SLC25A21: variants seen among roughly 807,000 people sequenced by gnomAD.
The protein encoded by SLC25A21 is solute carrier family 25 member 21.
A neutral mutation model predicts 43.8 loss-of-function variants in SLC25A21; 47 were observed. The observed-to-expected ratio is 1.07, with a 90% CI of 0.85 to 1.37. The LOEUF (loss-of-function observed/expected upper bound fraction) is 1.37, where lower values mean the gene tolerates loss of function less well. Ranked by LOEUF, SLC25A21 falls within the 40% of genes most tolerant of loss-of-function variation. SLC25A21 has a pLI of 0.00. For synonymous variants in SLC25A21, 131 were observed against 121.3 expected (o/e 1.08, Z -0.52); for missense variants, 352 against 350.2 (o/e 1.00, Z -0.04).
chr14:36,944,191 A>T (rs1362238700), intron 1 of SLC25A21, among the ~76,000 whole-genome samples: 1 of 152,166 alleles, frequency 6.6e-6, no homozygotes, highest in African/African-American at 2.4e-5. Flanking sequence ...CATATCCTGA[A>T]TCCTGTCGAC....
chr14:36,830,405 G>A (rs1204713809), intron 2 of SLC25A21, among the ~76,000 whole-genome samples: 3 of 152,048 alleles, frequency 2.0e-5, no homozygotes, highest in Non-Finnish European at 2.9e-5. Flanking sequence ...CTAACCTAAG[G>A]TGTAACAAAG....
At chr14:36,824,533 T>C (rs1429329525) in intron 2 of SLC25A21, among the ~76,000 whole-genome samples, 2 of 152,168 alleles carry the variant, frequency 1.3e-5, no homozygotes, top group Non-Finnish European at 2.9e-5. Flanking sequence ...ACATATATAA[T>C]CTATCCCAGT....
intron 9 of SLC25A21, among the ~76,000 whole-genome samples, chr14:36,682,744 C>T (rs912870723): frequency 3.0e-4 from 42 of 141,198 alleles, no homozygotes; most frequent in African/African-American, 6.1e-4. Flanking sequence ...CAATAACTAA[C>T]GGAAGGTAGG....
chr14:36,999,249 C>T (rs61282860), intron 1 of SLC25A21, among the ~76,000 whole-genome samples: 14,649 of 151,962 alleles, frequency 0.096, 746 homozygotes, highest in Admixed American at 0.12. Context: ...AACTTAAGTC[C>T]GTATTACTCA....
chr14:37,078,287 A>T (rs1962321442), intron 1 of SLC25A21, among the ~76,000 whole-genome samples: 1 of 152,214 alleles, frequency 6.6e-6, no homozygotes. Flanking sequence ...GTTAGCTGAC[A>T]TTCTTTCCTT....
At chr14:37,092,331 T>G (rs1187743652) in intron 1 of SLC25A21, among the ~76,000 whole-genome samples, 1 of 152,170 alleles carries the variant, frequency 6.6e-6, no homozygotes, top group African/African-American at 2.4e-5. Context: ...GAATGCACAT[T>G]ACAGCCAATC....
At chr14:36,887,846 C>T (rs1191777345) in intron 1 of SLC25A21, among the ~76,000 whole-genome samples, 2 of 152,096 alleles carry the variant, frequency 1.3e-5, no homozygotes, top group Admixed American at 6.6e-5. Flanking sequence ...AATTAGTTTT[C>T]CTTTCTTCTT....
chr14:37,032,115 T>C (rs74045256), intron 1 of SLC25A21, among the ~76,000 whole-genome samples: 1,857 of 137,030 alleles, frequency 0.014, 35 homozygotes, highest in African/African-American at 0.057. Flanking sequence ...GCTATCTACA[T>C]GTTATATTTG....
chr14:36,813,395 T>C (rs1404078939), intron 3 of SLC25A21, among the ~76,000 whole-genome samples: 1 of 151,954 alleles, frequency 6.6e-6, no homozygotes, highest in Non-Finnish European at 1.5e-5. Context: ...ACAGTCTTGC[T>C]GTCACCCAGG....
intron 1 of SLC25A21, among the ~76,000 whole-genome samples, chr14:36,898,763 T>C (rs1053278480): frequency 3.9e-5 from 6 of 151,978 alleles, no homozygotes; most frequent in African/African-American, 1.4e-4. Flanking sequence ...GAGCTGCCAG[T>C]GGGTGTGGGG....
chr14:36,870,490 G>A (rs1446099932), intron 2 of SLC25A21: 7 of 152,042 alleles, frequency 4.6e-5, no homozygotes, highest in African/African-American at 9.7e-5. Context: ...GATGGCATCC[G>A]GCCATCTTTA....
At chr14:36,794,067 G>T (rs1208257727) in intron 3 of SLC25A21, among the ~76,000 whole-genome samples, 1 of 152,040 alleles carries the variant, frequency 6.6e-6, no homozygotes, top group Non-Finnish European at 1.5e-5. Context: ...AAAATACATA[G>T]TTAACAGAGA....
At chr14:36,808,282 G>A (rs1050256663) in intron 3 of SLC25A21, among the ~76,000 whole-genome samples, 1 of 152,044 alleles carries the variant, frequency 6.6e-6, no homozygotes, top group Non-Finnish European at 1.5e-5. Flanking sequence ...GATGAAAATC[G>A]ACTGACTGAA....
chr14:36,880,085 T>A (rs950910549), intron 1 of SLC25A21, among the ~76,000 whole-genome samples: 6 of 152,070 alleles, frequency 3.9e-5, no homozygotes, highest in African/African-American at 1.4e-4. Context: ...TCAGAAAAAA[T>A]ATTGCATTTC....
At chr14:36,723,351 C>T (rs1419840795) in intron 6 of SLC25A21, among the ~76,000 whole-genome samples, 2 of 152,222 alleles carry the variant, frequency 1.3e-5, no homozygotes, top group South Asian at 2.1e-4. Context: ...CTGCTAGTTG[C>T]TGTAAATAAA....
At chr14:37,096,448 A>C (rs1461446914) in intron 1 of SLC25A21, among the ~76,000 whole-genome samples, 1 of 152,184 alleles carries the variant, frequency 6.6e-6, no homozygotes, top group Non-Finnish European at 1.5e-5. Flanking sequence ...TCTTTGAATA[A>C]ACTGTCTACC....
At chr14:36,718,285 G>GGAAT (rs561895504) in intron 6 of SLC25A21, among the ~76,000 whole-genome samples, 6 of 152,276 alleles carry the variant, frequency 3.9e-5, no homozygotes, top group Admixed American at 3.9e-4. Flanking sequence ...GATAACTATA[G>GGAAT]GAATGGATTC....
rs546406025 is a variant in SLC25A21, at chr14:37,157,397, C to G, written c.70+14884G>C. ...AAAAAAATCATATCAAGTATCTTCTCAGACCACAATGGAATAAAATTAGAA... is the reference window on the plus strand; with the variant it reads ...AAAAAAATCATATCAAGTATCTTCTGAGACCACAATGGAATAAAATTAGAA... On this transcript the variant is annotated intron_variant, in intron 1 of 9. Coordinates refer to ENST00000331299, the MANE Select transcript of SLC25A21 (RefSeq NM_030631.4). 5.3e-5 allele frequency among the ~76,000 whole-genome samples: 8 copies of G among 152,180 alleles called. No homozygotes were observed. In the East Asian group the frequency reaches 1.5e-3, roughly 29 times the overall value.
chr14:37,022,972 T>G (rs1003449881), intron 1 of SLC25A21, among the ~76,000 whole-genome samples: 3 of 152,064 alleles, frequency 2.0e-5, no homozygotes, highest in Non-Finnish European at 4.4e-5. Flanking sequence ...AAACTCTTGA[T>G]GCAGACATGA....
Sources: allele counts gnomAD v4.1 joint callset (sites outside exome capture counted in the v4.1 genomes callset), GRCh38; gene constraint gnomAD v4.1.1; transcripts MANE v1.5; gene names NCBI Gene and HGNC (gene_info 2026-07-23, HGNC 2026-07-21).